The following CDK14 variants were observed in gnomAD, a reference collection of about 807,000 sequenced individuals.
The protein encoded by CDK14 is cyclin dependent kinase 14.
Under a neutral mutation model 60.7 loss-of-function variants are expected in CDK14, and 34 were observed. The observed-to-expected ratio is 0.56, with a 90% CI of 0.43 to 0.75. CDK14 has a LOEUF of 0.75. CDK14 is among the 30% of genes least tolerant of loss of function. The pLI is 0.00. For missense variants in CDK14, 482 were observed against 564.1 expected (o/e 0.85, Z 1.47); for synonymous variants, 197 against 203.7 (o/e 0.97, Z 0.28).
intron 13 of CDK14, among the ~76,000 whole-genome samples, chr7:91,113,675 A>T (rs1007693506): frequency 3.9e-5 from 6 of 152,174 alleles, no homozygotes; most frequent in African/African-American, 1.4e-4. Flanking sequence ...CTTACAGTAG[A>T]CATATGATTA....
At chr7:91,197,305 C>G (rs1253615188) in intron 14 of CDK14, among the ~76,000 whole-genome samples, 3 of 150,930 alleles carry the variant, frequency 2.0e-5, no homozygotes, top group Admixed American at 2.0e-4. Context: ...GAGGCTGGGG[C>G]AGGAGAATCA....
At chr7:90,846,455 G>C (rs1370714847) in intron 5 of CDK14, among the ~76,000 whole-genome samples, 2 of 152,160 alleles carry the variant, frequency 1.3e-5, no homozygotes, top group African/African-American at 4.8e-5. Flanking sequence ...TGCTGAACAT[G>C]TTCTTGGCTA....
chr7:90,969,428 T>G (rs1273464668), intron 9 of CDK14, among the ~76,000 whole-genome samples: 7 of 152,236 alleles, frequency 4.6e-5, no homozygotes, highest in Non-Finnish European at 1.0e-4. Context: ...ACATGAAGTT[T>G]CTTGAAAAAG....
chr7:90,921,520 C>T (rs1793251266), intron 8 of CDK14, among the ~76,000 whole-genome samples: 2 of 152,016 alleles, frequency 1.3e-5, no homozygotes, highest in South Asian at 4.2e-4. Context: ...GGAACTTGAC[C>T]TGTTTTGCTC....
At chr7:90,907,120 T>A (rs947367456) in intron 7 of CDK14, among the ~76,000 whole-genome samples, 14 of 152,082 alleles carry the variant, frequency 9.2e-5, no homozygotes, top group African/African-American at 3.4e-4. Context: ...TTGGCCCTGT[T>A]ATAAATATTT....
chr7:91,142,441 TG>T (rs1464373887), intron 14 of CDK14, among the ~76,000 whole-genome samples: 2 of 152,240 alleles, frequency 1.3e-5, no homozygotes, highest in Non-Finnish European at 2.9e-5. Flanking sequence ...AAAAGAAAAG[TG>T]AAATATTTCT....
chr7:91,110,274 T>A (rs142945228), intron 12 of CDK14, among the ~76,000 whole-genome samples: 189 of 152,310 alleles, frequency 1.2e-3, no homozygotes, highest in African/African-American at 4.4e-3. Flanking sequence ...AAAATATGAT[T>A]ATTGGCATAT....
chr7:91,042,615 A>G (rs1797121347), intron 10 of CDK14, among the ~76,000 whole-genome samples: 1 of 152,234 alleles, frequency 6.6e-6, no homozygotes, highest in South Asian at 2.1e-4. Context: ...AAATCTGCTT[A>G]AATGGATGTG....
intron 4 of CDK14, among the ~76,000 whole-genome samples, chr7:90,778,527 CAG>C (rs893384967): frequency 3.9e-5 from 6 of 152,172 alleles, no homozygotes; most frequent in African/African-American, 1.4e-4. Flanking sequence ...GCTGCAGACA[CAG>C]AAGTTAATCA....
At chr7:90,848,629 G>A (rs765883774) in intron 5 of CDK14, among the ~76,000 whole-genome samples, 1 of 152,138 alleles carries the variant, frequency 6.6e-6, no homozygotes, top group African/African-American at 2.4e-5. Flanking sequence ...AGCAGCAGAG[G>A]GCTAGTGAGG....
intron 4 of CDK14, among the ~76,000 whole-genome samples, chr7:90,778,083 A>T (rs1805124573): frequency 6.6e-6 from 1 of 152,216 alleles, no homozygotes; most frequent in Admixed American, 6.5e-5. Context: ...CAAGTAACTC[A>T]TAAATTTATA....
At position 91,045,936 on chromosome 7, in the gene CDK14, C is replaced by T; in HGVS notation, c.1081C>T (p.His361Tyr). 1 of 1,610,468 alleles carries T rather than the reference C, an allele frequency of 6.2e-7. No homozygotes were observed. The highest frequency in any genetic ancestry group is 1.1e-5 in the South Asian group (1 of 90,994). The change falls in exon 11 of 15, where the codon CAT becomes TAT. Residue 361 changes from histidine (H) to tyrosine (Y), a missense_variant. By Grantham distance (83) the His-to-Tyr change is moderately conservative (BLOSUM62 2). Coordinates refer to ENST00000380050, the MANE Select transcript of CDK14 (RefSeq NM_001287135.2). The part of the protein sequence containing the change: ...TPNEDTWPGV[H>Y]SLPHFKPERF... ...AAATGAGGACACATGGCCTGGAGTT[C>T]ATTCTTTACCACATTTTAAGCCAGG...
At chr7:91,112,425 T>C in intron 12 of CDK14, 117 bp from the exon 13 acceptor site, 1 of 1,072,912 alleles carries the variant, frequency 9.3e-7, no homozygotes. Context: ...TTTCAGCAGG[T>C]AATTTGTTTT....
intron 5 of CDK14, among the ~76,000 whole-genome samples, chr7:90,827,205 A>G (rs756534212): frequency 6.6e-6 from 1 of 152,170 alleles, no homozygotes; most frequent in Admixed American, 6.5e-5. Context: ...GATAGATTGT[A>G]TAGCCTTTTC....
rs1008465946 is a variant in CDK14 at position 90,986,225 on chromosome 7, C to T, written c.1041+1984C>T. Among the ~76,000 whole-genome samples, 9 of 152,122 alleles carry T rather than the reference C, an allele frequency of 5.9e-5. No individual in the cohort carries two copies. The East Asian group carries it at 1.7e-3, about 29-fold the overall frequency. ...TATGGATGAGACATTATTTACTTAA[C>T]CAGCCCCATATTGATAGCTTGTTTT... On this transcript the variant is annotated intron_variant, in intron 10 of 14. Transcript: ENST00000380050.
intron 14 of CDK14, among the ~76,000 whole-genome samples, chr7:91,171,014 G>A (rs925903116): frequency 2.0e-5 from 3 of 151,926 alleles, no homozygotes; most frequent in African/African-American, 7.3e-5. Flanking sequence ...ATGATTTGGT[G>A]ATCCACCCAC....
intron 10 of CDK14, among the ~76,000 whole-genome samples, chr7:91,033,876 TTGAGA>T (rs1339217795): frequency 1.3e-5 from 2 of 152,146 alleles, no homozygotes; most frequent in African/African-American, 4.8e-5. Context: ...AGAAAAGTTG[TTGAGA>T]TGAGAGTGAA....
At chr7:90,639,199 G>A (rs1800248856) in intron 2 of CDK14, among the ~76,000 whole-genome samples, 1 of 152,192 alleles carries the variant, frequency 6.6e-6, no homozygotes, top group South Asian at 2.1e-4. Flanking sequence ...TGGAGGAGGA[G>A]AGGTGCTCTG....
At chr7:90,880,079 A>G (rs1791696374) in intron 6 of CDK14, among the ~76,000 whole-genome samples, 1 of 152,230 alleles carries the variant, frequency 6.6e-6, no homozygotes, top group Non-Finnish European at 1.5e-5. Context: ...TCAGACTCCC[A>G]TGGGGAGATG....
Sources: allele counts gnomAD v4.1 joint callset (sites outside exome capture counted in the v4.1 genomes callset), GRCh38; gene constraint gnomAD v4.1.1; transcripts MANE v1.5; gene names NCBI Gene and HGNC (gene_info 2026-07-23, HGNC 2026-07-21).